Variants in TMBIM1 observed in about 807,000 individuals in gnomAD.
TMBIM1 encodes the protein transmembrane BAX inhibitor motif containing 1.
In TMBIM1, 34 loss-of-function variants were observed where a neutral mutation model predicts 45.1. That is an observed-to-expected ratio of 0.75 (90% CI 0.57 to 1.00). The LOEUF is 1.00. Among genes scored for constraint, TMBIM1 ranks in the 50% least tolerant of loss-of-function variants. The pLI is 0.00. For missense variants in TMBIM1, 374 were observed against 402.4 expected (o/e 0.93, Z 0.60); for synonymous variants, 157 against 153.5 (o/e 1.02, Z -0.17).
intron 6 of TMBIM1, 88 bp downstream of exon 6, chr2:218,278,427 G>T: frequency 1.5e-6 from 2 of 1,322,016 alleles, no homozygotes; most frequent in Non-Finnish European, 2.2e-6. Context: ...CCATTCAGCT[G>T]CTATAAAGGA....
At chr2:218,289,637 A>AAG (rs1238411892) in intron 1 of TMBIM1, among the ~76,000 whole-genome samples, 1 of 151,088 alleles carries the variant, frequency 6.6e-6, no homozygotes, top group African/African-American at 2.4e-5. Flanking sequence ...AAAAAAAAAA[A>AAG]AAAAAAAAAC....
At chr2:218,290,454 A>G (rs1255772907) in intron 1 of TMBIM1, among the ~76,000 whole-genome samples, 2 of 152,168 alleles carry the variant, frequency 1.3e-5, no homozygotes, top group African/African-American at 4.8e-5. Context: ...GCTGCCCCTC[A>G]GAGCAGTCAC....
rs751064746 is a variant in TMBIM1, at chr2:218,280,043, G to T, written c.286C>A (p.His96Asn). 1 of 1,614,052 alleles carries T rather than the reference G, an allele frequency of 6.2e-7. No individual in the cohort carries two copies. Among genetic ancestry groups the T allele is most frequent in the Non-Finnish European group, 8.5e-7 (1 of 1,179,932 alleles). Residue 96 changes from histidine to asparagine, a missense_variant, in exon 3 of 12, where the codon CAC becomes AAC. His to Asn is a moderately conservative substitution (Grantham distance 68, BLOSUM62 1). Coordinates refer to ENST00000258412, the MANE Select transcript of TMBIM1 (RefSeq NM_022152.6). ...PGEWDDRKVR[H>N]TFIRKVYSII... ...TATCTTACCTTTCGGATAAAAGTGT[G>T]TCGCACTTTCCGGTCATCCCACTCT... is the stretch of plus-strand genomic sequence containing the variant.
At chr2:218,290,755 A>C (rs1054609669) in intron 1 of TMBIM1, among the ~76,000 whole-genome samples, 29 of 152,148 alleles carry the variant, frequency 1.9e-4, no homozygotes, top group African/African-American at 7.0e-4. Flanking sequence ...CGACTTCTGG[A>C]TATCATTTCT....
At chr2:218,291,155 T>TA (rs2106242047) in intron 1 of TMBIM1, among the ~76,000 whole-genome samples, 1 of 152,226 alleles carries the variant, frequency 6.6e-6, no homozygotes, top group African/African-American at 2.4e-5. Context: ...TCCCAACACT[T>TA]ACAGGATAAC....
intron 3 of TMBIM1, among the ~76,000 whole-genome samples, chr2:218,279,710 T>G (rs1226294851): frequency 6.6e-6 from 1 of 152,212 alleles, no homozygotes; most frequent in Non-Finnish European, 1.5e-5. Context: ...GGATCATTTC[T>G]GGCTCCAAGC....
At chr2:218,277,335 G>T (rs763639182) in intron 9 of TMBIM1, 31 bp downstream of exon 9, 1 of 1,598,768 alleles carries the variant, frequency 6.3e-7, no homozygotes, top group Non-Finnish European at 8.6e-7. Flanking sequence ...GGGGAGTCGG[G>T]GGGCCAGGGA....
At chr2:218,285,704 G>A (rs753354270) in intron 1 of TMBIM1, 1 of 152,480 alleles carries the variant, frequency 6.6e-6, no homozygotes, top group Non-Finnish European at 1.5e-5. Flanking sequence ...CTGGGCACAG[G>A]AGAGGAAACC....
intron 6 of TMBIM1, 129 bp downstream of exon 6, chr2:218,278,386 C>T (rs1691475983): frequency 1.6e-5 from 15 of 966,850 alleles, no homozygotes; most frequent in South Asian, 1.4e-4. Context: ...TAGCTGTCAT[C>T]GTCATCCTCC....
intron 9 of TMBIM1, 68 bp from the exon 10 acceptor site, chr2:218,277,167 G>C: frequency 7.1e-7 from 1 of 1,417,796 alleles, no homozygotes; most frequent in African/African-American, 1.4e-5. Context: ...GACTGGCCCT[G>C]CCAGGGAGTC....
rs893369349 is a variant in TMBIM1 at position 218,274,711 on chromosome 2, A to T, written c.*764T>A. ...CTGACCAGAGATCCAGAAGCCTGCAAGGAGGCCCCAGCAGCTTTCAAGAAT... is the reference window on the plus strand; with the variant it reads ...CTGACCAGAGATCCAGAAGCCTGCATGGAGGCCCCAGCAGCTTTCAAGAAT... On this transcript the variant is annotated 3_prime_UTR_variant, in exon 12 of 12. Coordinates refer to ENST00000258412, the MANE Select transcript of TMBIM1 (RefSeq NM_022152.6). 1 of 155,438 alleles carries T rather than the reference A, an allele frequency of 6.4e-6. No individual in the cohort carries two copies. Among genetic ancestry groups the T allele is most frequent in the Non-Finnish European group, 1.5e-5 (1 of 68,378 alleles). The allele number at this position is 155,438 out of a possible 1,614,324, so 9.6% of individuals were successfully genotyped here.
At chr2:218,278,345 C>G in intron 6 of TMBIM1, 170 bp downstream of exon 6, 1 of 691,068 alleles carries the variant, frequency 1.4e-6, no homozygotes, top group Non-Finnish European at 2.5e-6. Context: ...AGCTCCTAAA[C>G]ACACATGGTC....
intron 2 of TMBIM1, 29 bp from the exon 3 acceptor site, chr2:218,280,155 G>A: frequency 6.6e-7 from 1 of 1,524,562 alleles, no homozygotes; most frequent in South Asian, 1.1e-5. Flanking sequence ...TGACTCAGCT[G>A]GGGACCTGAG....
chr2:218,279,248 C>G, intron 4 of TMBIM1, 41 bp downstream of exon 4: 2 of 1,563,834 alleles, frequency 1.3e-6, no homozygotes, highest in Non-Finnish European at 1.7e-6. Context: ...ACCCTGAACC[C>G]CCAGGGCAGT....
At chr2:218,275,998 C>G in intron 11 of TMBIM1, 28 bp downstream of exon 11, 1 of 1,604,696 alleles carries the variant, frequency 6.2e-7, no homozygotes, top group Non-Finnish European at 8.5e-7. Context: ...CCCTCAGCTC[C>G]CCTTCCTAGA....
chr2:218,278,569 G>A lies in TMBIM1; in HGVS notation c.423-4C>T. 1 of 1,614,192 alleles carries A rather than the reference G, an allele frequency of 6.2e-7. No individual in the cohort carries two copies. Among genetic ancestry groups the A allele is most frequent in the East Asian group, 2.2e-5 (1 of 44,888 alleles). On this transcript the variant is annotated splice_polypyrimidine_tract_variant and splice_region_variant and intron_variant, in intron 5 of 11. Transcript: ENST00000258412. The stretch of plus-strand genomic sequence containing the variant: ...GTAGGTGACAACGAAGACAGCACTA[G>A]GGACAAAGAGATGGGGAAGCAGTTC...
chr2:218,282,184 G>A lies in TMBIM1; in HGVS notation c.-40-3C>T. On this transcript the variant is annotated splice_region_variant and splice_polypyrimidine_tract_variant and intron_variant, in intron 1 of 11. Transcript: ENST00000258412. ...GGGGGAACCCCAGCTGCTGGGACCT[G>A]AAATGGGAGAGGAGAAAAGCAATCG... 7.1e-7 allele frequency: 1 copy of A among 1,402,882 alleles called. No individual in the cohort carries two copies. The highest frequency in any genetic ancestry group is 2.7e-5 in the East Asian group (1 of 37,170). The allele number at this position is 1,402,882 out of a possible 1,614,324, so 86.9% of individuals were successfully genotyped here. A position where few individuals can be genotyped will look rare whatever the true frequency, so the allele number is the denominator to read the frequency against.
chr2:218,277,432 G>T lies in TMBIM1; in HGVS notation c.573C>A (p.Val191=), dbSNP rs1489197829. 6.2e-7 allele frequency: 1 copy of T among 1,614,202 alleles called. No individual in the cohort carries two copies. The highest frequency in any genetic ancestry group is 8.5e-7 in the Non-Finnish European group (1 of 1,180,042). ...CCGCAGTGATGATCATTGCAATGAT[G>T]ACGGCTTTGGTTTGGTACATACTGG... is the stretch of plus-strand genomic sequence containing the variant. ...TISSMYQTKA[V]IIAMIITAVV... The change falls in exon 9 of 12, where the codon GTC becomes GTA. Residue 191 remains valine, a synonymous_variant. Transcript: ENST00000258412.
intron 6 of TMBIM1, 191 bp downstream of exon 6, chr2:218,278,324 G>A: frequency 4.7e-6 from 3 of 637,428 alleles, no homozygotes; most frequent in Non-Finnish European, 8.2e-6. Flanking sequence ...CTATAAGAGT[G>A]ACAGCTAGTT....
Sources: allele counts gnomAD v4.1 joint callset (sites outside exome capture counted in the v4.1 genomes callset), GRCh38; gene constraint gnomAD v4.1.1; transcripts MANE v1.5; gene names NCBI Gene and HGNC (gene_info 2026-07-23, HGNC 2026-07-21).